Variants in ZBTB11 observed in about 807,000 individuals in gnomAD.
ZBTB11 encodes zinc finger and BTB domain-containing protein 11.
ZBTB11 carries 68 observed loss-of-function variants against 113.1 expected under a neutral mutation model. That is an observed-to-expected ratio of 0.60 (90% confidence interval 0.49 to 0.74). The LOEUF (loss-of-function observed/expected upper bound fraction) is 0.74, where lower values mean the gene tolerates loss of function less well. ZBTB11 is among the 30% of genes least tolerant of loss of function. The pLI is 0.00. For synonymous variants in ZBTB11, 518 were observed against 452.6 expected, an observed-to-expected ratio of 1.14 and a Z score of -1.83; for missense variants, 1,104 against 1,279.4, an observed-to-expected ratio of 0.86 and a Z score of 2.09.
chr3:101,655,942 T>G, intron 7 of ZBTB11, 162 bp downstream of exon 7: 12 of 481,220 alleles, frequency 2.5e-5, no homozygotes, highest in Non-Finnish European at 3.2e-5. Flanking sequence ...ATTACAGGCG[T>G]GAGCCACCGC....
At chr3:101,671,950 T>A in intron 2 of ZBTB11, 28 bp downstream of exon 2, 1 of 1,574,636 alleles carries the variant, frequency 6.4e-7, no homozygotes. Flanking sequence ...GTTACAAATC[T>A]TAAAGCTGAC....
intron 1 of ZBTB11, 151 bp downstream of exon 1, chr3:101,676,454 T>C (rs940755717): frequency 5.1e-6 from 4 of 783,198 alleles, no homozygotes; most frequent in African/African-American, 3.7e-5. Flanking sequence ...TCCTTTCGCG[T>C]CCCCCACCCT....
In ZBTB11 at chr3:101,651,385, T is replaced by C; in HGVS notation, c.2943A>G (p.Gln981=). 6.2e-7 allele frequency: 1 copy of C among 1,614,084 alleles called. No homozygotes were observed. The highest frequency in any genetic ancestry group is 8.5e-7 in the Non-Finnish European group (1 of 1,179,962). Residue 981 remains glutamine (Q), a synonymous_variant, in exon 11 of 11, where the codon CAA becomes CAG. Transcript: ENST00000312938. ...CTGTCACTACCACAGTCTCAAGTTCTTGAGGACCACTGCTTTCTTGTTCCT... is the reference window on the plus strand; with the variant it reads ...CTGTCACTACCACAGTCTCAAGTTCCTGAGGACCACTGCTTTCTTGTTCCT... The part of the protein sequence containing the change: ...GMQEQESSGP[Q]ELETVVVTGE...
chr3:101,671,736 CA>C (rs1290842127), intron 2 of ZBTB11: 1 of 597,004 alleles, frequency 1.7e-6, no homozygotes, highest in East Asian at 2.8e-5. Context: ...TATATCATCA[CA>C]AAAGAAGGGA....
rs1936649208 is a variant in ZBTB11, at chr3:101,648,938, C to T, written c.*2228G>A. On this transcript the variant is annotated 3_prime_UTR_variant, in exon 11 of 11. Transcript: ENST00000312938. ...TGGACAAATTGAAGGATGGTAAATG[C>T]AGGGGATTTTATTGCTGGATAAAGG... 6.6e-6 allele frequency: 1 copy of T among 152,172 alleles called. No homozygotes were observed. Among genetic ancestry groups the T allele is most frequent in the African/African-American group, 2.4e-5 (1 of 41,436 alleles). The allele number at this position is 152,172 out of a possible 1,614,324, so 9.4% of individuals were successfully genotyped here.
rs1447929732 is a variant in ZBTB11 at position 101,676,670 on chromosome 3, G to C, written c.245C>G (p.Pro82Arg). 6.3e-7 allele frequency: 1 copy of C among 1,591,830 alleles called. No homozygotes were observed. The highest frequency in any genetic ancestry group is 1.7e-5 in the Admixed American group (1 of 57,784). ...RDLIEAAHLGPGGTHHTRHQT... is the reference protein window; with the variant it reads ...RDLIEAAHLGRGGTHHTRHQT... ...ATGCCGGGTGTGGTGAGTGCCGCCG[G>C]GACCCAGGTGCGCCGCCTCGATGAG... The change falls in exon 1 of 11, where the codon CCC (proline) becomes CGC (arginine). Residue 82 changes from proline (P) to arginine (R), a missense_variant. Around this residue, in one of 5 missense-constraint regions of ZBTB11, gnomAD observed 245 missense variants for 272.5 expected, o/e 0.90. Coordinates refer to ENST00000312938, the MANE Select transcript of ZBTB11 (RefSeq NM_014415.4).
chr3:101,676,476 C>T lies in ZBTB11; in HGVS notation c.310+129G>A, dbSNP rs1395420481. 3.6e-5 allele frequency: 36 copies of T among 989,968 alleles called. No individual in the cohort carries two copies. In the East Asian group the frequency reaches 1.2e-3, roughly 32 times the overall value. 61.3% of individuals were successfully genotyped at this position (989,968 alleles called of 1,614,324 possible). On this transcript the variant is annotated intron_variant, in intron 1 of 10. Transcript: ENST00000312938. ...GCGTCCCCCACCCTCTCGGCTCCGCCTGGCAGCAGCTCCGCCGCCCAGAGG... is the reference window on the plus strand; with the variant it reads ...GCGTCCCCCACCCTCTCGGCTCCGCTTGGCAGCAGCTCCGCCGCCCAGAGG...
intron 6 of ZBTB11, among the ~76,000 whole-genome samples, chr3:101,659,142 G>A (rs778722571): frequency 7.2e-5 from 11 of 152,286 alleles, no homozygotes; most frequent in Admixed American, 7.2e-4. Context: ...GGGAGGCTAA[G>A]GTGGGAGGAT....
intron 6 of ZBTB11, among the ~76,000 whole-genome samples, chr3:101,657,318 C>G (rs959655161): frequency 6.6e-6 from 1 of 151,680 alleles, no homozygotes; most frequent in Non-Finnish European, 1.5e-5. Context: ...CTGGCCTGGG[C>G]AACATGGTGA....
intron 5 of ZBTB11, among the ~76,000 whole-genome samples, chr3:101,662,769 T>C (rs1039001414): frequency 3.6e-4 from 52 of 144,712 alleles, no homozygotes; most frequent in Non-Finnish European, 5.2e-4. Flanking sequence ...CAAAATTGTC[T>C]TTTTTTTTTG....
chr3:101,654,584 A>G, intron 8 of ZBTB11, 120 bp downstream of exon 8: 1 of 780,080 alleles, frequency 1.3e-6, no homozygotes, highest in Non-Finnish European at 2.1e-6. Flanking sequence ...CAAGAAAAAA[A>G]GGACATTAAA....
chr3:101,658,227 A>AT (rs200382292), intron 6 of ZBTB11, among the ~76,000 whole-genome samples: 7,852 of 143,334 alleles, frequency 0.055, 656 homozygotes, highest in African/African-American at 0.18. Flanking sequence ...TTAAAAATTA[A>AT]TTTTTTTTTT....
intron 3 of ZBTB11, among the ~76,000 whole-genome samples, chr3:101,667,861 G>C (rs1270187203): frequency 6.6e-6 from 1 of 152,004 alleles, no homozygotes; most frequent in Non-Finnish European, 1.5e-5. Context: ...TCCCACTACT[G>C]GGTATCTACC....
chr3:101,676,983 G>T lies in ZBTB11; in HGVS notation c.-69C>A. 6.8e-7 allele frequency: 1 copy of T among 1,464,838 alleles called. No individual in the cohort carries two copies. Among genetic ancestry groups the T allele is most frequent in the Non-Finnish European group, 9.1e-7 (1 of 1,102,156 alleles). The allele number at this position is 1,464,838 out of a possible 1,614,324, so 90.7% of individuals were successfully genotyped here. On this transcript the variant is annotated 5_prime_UTR_variant, in exon 1 of 11. Coordinates refer to ENST00000312938, the MANE Select transcript of ZBTB11 (RefSeq NM_014415.4). Reference sequence around the variant, plus strand: ...GGAAAACGGCCCGCTACCTACGGGCGGCTGCAGGAGGAGCGGCGGCACCGT... The same window carrying T: ...GGAAAACGGCCCGCTACCTACGGGCTGCTGCAGGAGGAGCGGCGGCACCGT...
chr3:101,671,279 G>T lies in ZBTB11; in HGVS notation c.629C>A (p.Ser210Tyr), dbSNP rs770843332. The T allele has an allele frequency of 6.2e-7, 1 of 1,614,048 alleles. No homozygotes were observed. ...VLKQLNEQRLSNQFCDVTLLI... is the reference protein window; with the variant it reads ...VLKQLNEQRLYNQFCDVTLLI... ...CAAAGTAACATCACAGAACTGGTTG[G>T]AAAGTCTCTGTTCGTTCAGCTGTTT... Residue 210 changes from serine to tyrosine, a missense_variant, in exon 3 of 11, where the codon TCC (serine) becomes TAC (tyrosine). By Grantham distance (144) the Ser-to-Tyr change is moderately radical (BLOSUM62 -2). This residue lies in a region of ZBTB11 where 245 missense variants were observed against 272.5 expected (regional missense o/e 0.90). Coordinates refer to ENST00000312938, the MANE Select transcript of ZBTB11 (RefSeq NM_014415.4).
At chr3:101,671,076 C>T (rs1576652595) in intron 3 of ZBTB11, 54 bp downstream of exon 3, 1 of 1,443,422 alleles carries the variant, frequency 6.9e-7, no homozygotes, top group East Asian at 2.3e-5. Flanking sequence ...TACATATCCC[C>T]CTCTTCTAGA....
Position 101,650,882 on chromosome 3 carries a change from T to A in ZBTB11, c.*284A>T. On this transcript the variant is annotated 3_prime_UTR_variant, in exon 11 of 11. Transcript: ENST00000312938. ...ATTCAGTACAGTCATTTATAAACAT[T>A]AATTCATAAAAGGTATATCATGATA... 4.3e-6 allele frequency: 1 copy of A among 230,056 alleles called. No homozygotes were observed. The highest frequency in any genetic ancestry group is 8.4e-6 in the Non-Finnish European group (1 of 118,912). 14.3% of individuals were successfully genotyped at this position (230,056 alleles called of 1,614,324 possible).
In ZBTB11 at chr3:101,676,658, T is replaced by C; in HGVS notation, c.257A>G (p.His86Arg). 1 of 1,583,032 alleles carries C rather than the reference T, an allele frequency of 6.3e-7. No homozygotes were observed. The highest frequency in any genetic ancestry group is 8.6e-7 in the Non-Finnish European group (1 of 1,163,000). Residue 86 changes from histidine (H) to arginine (R), a missense_variant, in exon 1 of 11, where the codon CAC becomes CGC. Coordinates refer to ENST00000312938, the MANE Select transcript of ZBTB11 (RefSeq NM_014415.4). The part of the protein sequence containing the change: ...EAAHLGPGGT[H>R]HTRHQTWHYL... Reference sequence around the variant, plus strand: ...GTGCCAGGTCTGATGCCGGGTGTGGTGAGTGCCGCCGGGACCCAGGTGCGC... The same window carrying C: ...GTGCCAGGTCTGATGCCGGGTGTGGCGAGTGCCGCCGGGACCCAGGTGCGC...
chr3:101,652,756 C>T (rs746473584), intron 9 of ZBTB11, 24 bp downstream of exon 9: 1 of 1,609,528 alleles, frequency 6.2e-7, no homozygotes, highest in South Asian at 1.1e-5. Flanking sequence ...CAATTAAGTT[C>T]AGCTCCTTCT....
Sources: allele counts gnomAD v4.1 joint callset (sites outside exome capture counted in the v4.1 genomes callset), GRCh38; gene constraint gnomAD v4.1.1; regional missense constraint gnomAD v4.1.1; transcripts MANE v1.5; gene names NCBI Gene and HGNC (gene_info 2026-07-23, HGNC 2026-07-21).